Variants in RBFOX1 observed in about 807,000 individuals in gnomAD.
RBFOX1 encodes the protein RNA binding protein fox-1 homolog 1.
A neutral mutation model predicts 57.7 loss-of-function variants in RBFOX1; 8 were observed. The ratio of observed to expected loss-of-function variants is 0.14; its 90% CI spans 0.08 to 0.25. The LOEUF is 0.25. Among genes scored for constraint, RBFOX1 ranks in the 10% least tolerant of loss-of-function variants. The pLI is 1.00. For synonymous variants in RBFOX1, 326 were observed against 222.4 expected, an observed-to-expected ratio of 1.47 and a Z score of -4.15; for missense variants, 611 against 548.5, an observed-to-expected ratio of 1.11 and a Z score of -1.14.
intron 1 of RBFOX1, among the ~76,000 whole-genome samples, chr16:6,160,269 C>T (rs1414029887): frequency 6.6e-6 from 1 of 151,928 alleles, no homozygotes; most frequent in Non-Finnish European, 1.5e-5. Context: ...CTGTTTTTTT[C>T]TTAATGTGTA....
intron 3 of RBFOX1, chr16:6,775,906 G>C (rs879900397): frequency 4.6e-5 from 7 of 152,236 alleles, no homozygotes; most frequent in African/African-American, 1.2e-4. Flanking sequence ...GGCTGTGAGT[G>C]CTTCTTTCCA....
At chr16:5,882,781 A>G (rs2057794931) in intron 4 of RBFOX1, among the ~76,000 whole-genome samples, 1 of 152,180 alleles carries the variant, frequency 6.6e-6, no homozygotes, top group African/African-American at 2.4e-5. Flanking sequence ...ACATTACTGC[A>G]AATTAGAGAA....
chr16:6,724,655 G>A (rs906422803), intron 3 of RBFOX1, among the ~76,000 whole-genome samples: 2 of 152,128 alleles, frequency 1.3e-5, no homozygotes, highest in East Asian at 3.9e-4. Context: ...TGTTATAGCA[G>A]CCCGAATAGA....
chr16:5,957,970 T>C (rs2059678928), intron 4 of RBFOX1, among the ~76,000 whole-genome samples: 1 of 152,148 alleles, frequency 6.6e-6, no homozygotes. Flanking sequence ...CATCCTCTCA[T>C]TACTTTTCCC....
intron 3 of RBFOX1, among the ~76,000 whole-genome samples, chr16:6,818,608 C>T (rs1014365456): frequency 3.2e-4 from 49 of 152,142 alleles, no homozygotes; most frequent in African/African-American, 1.2e-3. Context: ...TCTAGTAGGG[C>T]ATGTATCACT....
chr16:7,709,171 T>TC (rs752080903), intron 15 of RBFOX1, 40 bp downstream of exon 15: 20 of 1,542,754 alleles, frequency 1.3e-5, no homozygotes, highest in Admixed American at 1.7e-5. Flanking sequence ...TCCTCCTGCC[T>TC]CCCTTCCCTT....
At chr16:5,814,270 C>G (rs556100944) in intron 3 of RBFOX1, among the ~76,000 whole-genome samples, 1 of 152,232 alleles carries the variant, frequency 6.6e-6, no homozygotes, top group South Asian at 2.1e-4. Context: ...ACCTTGCATG[C>G]TATGTCCTAA....
At chr16:6,665,688 TC>T (rs1362147018) in intron 3 of RBFOX1, among the ~76,000 whole-genome samples, 3 of 151,824 alleles carry the variant, frequency 2.0e-5, no homozygotes, top group African/African-American at 7.3e-5. Flanking sequence ...ATATTTTTTT[TC>T]CAGAAAGGAA....
At chr16:6,843,480 A>G (rs2093599936) in intron 3 of RBFOX1, among the ~76,000 whole-genome samples, 1 of 152,084 alleles carries the variant, frequency 6.6e-6, no homozygotes, top group Non-Finnish European at 1.5e-5. Context: ...CGAGGTCAGG[A>G]GATCGAGACC....
At chr16:6,820,854 A>G (rs6500843) in intron 3 of RBFOX1, among the ~76,000 whole-genome samples, 75,867 of 151,940 alleles carry the variant, frequency 0.5, 20,209 homozygotes, top group Non-Finnish European at 0.6. Context: ...GAAGTTAATT[A>G]TTTTTGACCC....
At chr16:7,135,688 A>G (rs2071730690) in intron 4 of RBFOX1, among the ~76,000 whole-genome samples, 1 of 152,256 alleles carries the variant, frequency 6.6e-6, no homozygotes, top group African/African-American at 2.4e-5. Flanking sequence ...CATTCCAACA[A>G]GAGATAAGGC....
chr16:6,080,952 A>T (rs929568288), intron 1 of RBFOX1, among the ~76,000 whole-genome samples: 6 of 152,182 alleles, frequency 3.9e-5, no homozygotes, highest in Non-Finnish European at 7.3e-5. Context: ...CAGAACCACA[A>T]ATCTAAATCC....
At chr16:5,383,402 A>T (rs2066177654) in intron 1 of RBFOX1, among the ~76,000 whole-genome samples, 1 of 152,226 alleles carries the variant, frequency 6.6e-6, no homozygotes, top group South Asian at 2.1e-4. Flanking sequence ...CTCTAACCCA[A>T]GGCAGCAGGA....
intron 2 of RBFOX1, among the ~76,000 whole-genome samples, chr16:6,387,095 G>C (rs192270897): frequency 2.8e-4 from 43 of 152,286 alleles, no homozygotes; most frequent in Non-Finnish European, 5.1e-4. Context: ...TAAAGTCAAA[G>C]TCCATTGGCA....
intron 3 of RBFOX1, among the ~76,000 whole-genome samples, chr16:6,839,469 C>T (rs2093337534): frequency 6.6e-6 from 1 of 152,182 alleles, no homozygotes. Flanking sequence ...TGCTGAACAG[C>T]TCTGGGCACA....
At chr16:6,063,618 G>T (rs1322158175) in intron 1 of RBFOX1, among the ~76,000 whole-genome samples, 1 of 151,916 alleles carries the variant, frequency 6.6e-6, no homozygotes, top group South Asian at 2.1e-4. Context: ...CAAGACGATC[G>T]TTTACTCTAT....
intron 4 of RBFOX1, among the ~76,000 whole-genome samples, chr16:7,176,141 T>C (rs953687093): frequency 2.0e-5 from 3 of 151,220 alleles, no homozygotes; most frequent in African/African-American, 7.3e-5. Flanking sequence ...ATCCCGGTGC[T>C]ACATGCTAGG....
intron 3 of RBFOX1, among the ~76,000 whole-genome samples, chr16:6,696,522 A>G (rs915826811): frequency 2.0e-5 from 3 of 152,172 alleles, no homozygotes; most frequent in South Asian, 2.1e-4. Context: ...GCCGAATTAG[A>G]TGGAGAACTT....
At chr16:6,424,966 G>A (rs1597062226) in intron 2 of RBFOX1, among the ~76,000 whole-genome samples, 1 of 152,054 alleles carries the variant, frequency 6.6e-6, no homozygotes, top group Non-Finnish European at 1.5e-5. Flanking sequence ...ATACCAAACA[G>A]AATACAGGAA....
Sources: gnomAD v4.1 joint callset for allele counts (sites outside exome capture counted in the v4.1 genomes callset) on GRCh38, gnomAD v4.1.1 for gene constraint, MANE v1.5 for transcripts, NCBI Gene and HGNC (gene_info 2026-07-23, HGNC 2026-07-21) for gene names.